The following PDE1C variants were observed in gnomAD, a reference collection of about 807,000 sequenced individuals.
PDE1C encodes dual specificity calcium/calmodulin-dependent 3',5'-cyclic nucleotide phosphodiesterase 1C.
PDE1C carries 62 observed loss-of-function variants against 93.1 expected under a neutral mutation model. That is an observed-to-expected ratio of 0.67 (90% CI 0.54 to 0.82). The LOEUF (loss-of-function observed/expected upper bound fraction) is 0.82. Ranked by LOEUF, PDE1C falls within the 40% of genes least tolerant of loss-of-function variation. The pLI is 0.00. For missense variants in PDE1C, 742 were observed against 884.6 expected, an observed-to-expected ratio of 0.84 and a Z score of 2.04; for synonymous variants, 325 against 310.1, an observed-to-expected ratio of 1.05 and a Z score of -0.50.
chr7:32,412,714 T>C (rs1037162072), intron 1 of PDE1C, among the ~76,000 whole-genome samples: 2 of 152,194 alleles, frequency 1.3e-5, no homozygotes, highest in Non-Finnish European at 2.9e-5. Context: ...CGAAATTCGT[T>C]ATGCAGGACA....
intron 2 of PDE1C, among the ~76,000 whole-genome samples, chr7:32,186,134 C>T (rs1240259526): frequency 7.2e-6 from 1 of 139,586 alleles, no homozygotes; most frequent in Non-Finnish European, 1.5e-5. Flanking sequence ...CTCGCTCTGT[C>T]GCCCAGGCCC....
intron 3 of PDE1C, among the ~76,000 whole-genome samples, chr7:32,154,538 T>G (rs917581707): frequency 6.6e-6 from 1 of 152,236 alleles, no homozygotes; most frequent in Non-Finnish European, 1.5e-5. Flanking sequence ...CAGGAGTTTT[T>G]ATGCCTAGTA....
intron 17 of PDE1C, among the ~76,000 whole-genome samples, chr7:31,765,265 A>G (rs1199382528): frequency 1.3e-5 from 2 of 152,146 alleles, no homozygotes; most frequent in African/African-American, 4.8e-5. Flanking sequence ...TTTAATGCTA[A>G]GGATATAAAA....
chr7:31,910,168 A>C (rs1244195467), intron 2 of PDE1C, among the ~76,000 whole-genome samples: 2 of 152,304 alleles, frequency 1.3e-5, no homozygotes, highest in East Asian at 3.9e-4. Context: ...GGTCCACCCC[A>C]GAAAGCAGGA....
intron 3 of PDE1C, among the ~76,000 whole-genome samples, chr7:32,143,193 T>C (rs1241417473): frequency 6.6e-6 from 1 of 151,616 alleles, no homozygotes; most frequent in Non-Finnish European, 1.5e-5. Context: ...TGAAAGAAAG[T>C]TCAGGTCATA....
intron 2 of PDE1C, among the ~76,000 whole-genome samples, chr7:32,180,014 G>A (rs1803286219): frequency 6.6e-6 from 1 of 152,172 alleles, no homozygotes. Flanking sequence ...AAAATTCTCA[G>A]TGGGTAGGAA....
chr7:31,850,084 G>A (rs2128800104), intron 8 of PDE1C, among the ~76,000 whole-genome samples: 1 of 152,200 alleles, frequency 6.6e-6, no homozygotes, highest in East Asian at 1.9e-4. Flanking sequence ...TAGGAAGGAT[G>A]CACAGGTTGC....
chr7:31,645,764 G>T, the PDE1C span, among the ~76,000 whole-genome samples: 1 of 152,124 alleles, frequency 6.6e-6, no homozygotes, highest in Non-Finnish European at 1.5e-5. Flanking sequence ...CGGGAGGGGG[G>T]TGGTTGCTAC....
intron 11 of PDE1C, among the ~76,000 whole-genome samples, chr7:31,828,684 C>T (rs1267416332): frequency 1.3e-5 from 2 of 152,102 alleles, no homozygotes; most frequent in Non-Finnish European, 2.9e-5. Flanking sequence ...GCAGCCAGCA[C>T]TGCAGGCAGA....
chr7:32,230,013 T>A (rs1316919608), intron 1 of PDE1C, among the ~76,000 whole-genome samples: 1 of 151,976 alleles, frequency 6.6e-6, no homozygotes, highest in Non-Finnish European at 1.5e-5. Context: ...ACAAAAGAGG[T>A]TGAAGGGAAG....
At chr7:32,082,167 C>T (rs964485002) in intron 3 of PDE1C, among the ~76,000 whole-genome samples, 3 of 80,506 alleles carry the variant, frequency 3.7e-5, no homozygotes, top group Non-Finnish European at 6.0e-5. Context: ...CCTAATAATG[C>T]GCTTTTCCGA....
intron 16 of PDE1C, among the ~76,000 whole-genome samples, chr7:31,801,072 G>C (rs1316332453): frequency 1.3e-5 from 2 of 150,648 alleles, no homozygotes; most frequent in African/African-American, 4.9e-5. Flanking sequence ...CGGTAACCAT[G>C]ACTTTCACCT....
chr7:32,068,389 G>A (rs535954892), intron 1 of PDE1C, among the ~76,000 whole-genome samples: 29 of 152,242 alleles, frequency 1.9e-4, no homozygotes, highest in African/African-American at 6.5e-4. Context: ...TAGCACTGCT[G>A]TTATGTTTAA....
At chr7:31,670,499 T>C in the PDE1C span, among the ~76,000 whole-genome samples, 2 of 152,190 alleles carry the variant, frequency 1.3e-5, no homozygotes, top group Non-Finnish European at 2.9e-5. Context: ...CATCTCCTTG[T>C]GAAGTTTGTT....
At chr7:32,388,017 G>GT (rs1412329233) in intron 1 of PDE1C, among the ~76,000 whole-genome samples, 10 of 152,186 alleles carry the variant, frequency 6.6e-5, no homozygotes, top group African/African-American at 2.4e-4. Context: ...AATGTAGTAT[G>GT]TAACAGTTTA....
At chr7:32,369,448 C>T (rs559474140) in intron 1 of PDE1C, among the ~76,000 whole-genome samples, 1 of 152,162 alleles carries the variant, frequency 6.6e-6, no homozygotes, top group African/African-American at 2.4e-5. Context: ...TAATCTCATC[C>T]CAGTTAGTAT....
chr7:32,167,024 A>G (rs1256800541), intron 3 of PDE1C, among the ~76,000 whole-genome samples: 1 of 152,156 alleles, frequency 6.6e-6, no homozygotes, highest in Non-Finnish European at 1.5e-5. Flanking sequence ...TTTTGGGTTA[A>G]GCCTGGCAAA....
intron 1 of PDE1C, among the ~76,000 whole-genome samples, chr7:32,298,180 T>A (rs1812747327): frequency 1.3e-5 from 2 of 151,726 alleles, no homozygotes; most frequent in South Asian, 2.1e-4. Flanking sequence ...CGCCTCTATC[T>A]CTGGGGCCTA....
chr7:32,330,314 G>A (rs981003821), intron 1 of PDE1C, among the ~76,000 whole-genome samples: 3 of 152,228 alleles, frequency 2.0e-5, no homozygotes, highest in Admixed American at 6.5e-5. Context: ...CCACGGCCTT[G>A]CTCAGCTATG....
Sources: gnomAD v4.1 joint callset for allele counts (sites outside exome capture counted in the v4.1 genomes callset) on GRCh38, gnomAD v4.1.1 for gene constraint, MANE v1.5 for transcripts, NCBI Gene and HGNC (gene_info 2026-07-23, HGNC 2026-07-21) for gene names.